GPHN: variants seen among roughly 807,000 people sequenced by gnomAD.
GPHN encodes the protein gephyrin.
A neutral mutation model predicts 95.5 loss-of-function variants in GPHN; 17 were observed. The ratio of observed to expected loss-of-function variants is 0.18; its 90% CI spans 0.12 to 0.27. The LOEUF is 0.27. Among genes scored for constraint, GPHN ranks in the 10% least tolerant of loss-of-function variants. GPHN has a pLI of 1.00. For synonymous variants in GPHN, 320 were observed against 322.5 expected (o/e 0.99, Z 0.08); for missense variants, 660 against 978.1 (o/e 0.67, Z 4.34).
chr14:67,104,274 T>C (rs2077911024), intron 13 of GPHN, among the ~76,000 whole-genome samples: 1 of 152,190 alleles, frequency 6.6e-6, no homozygotes. Flanking sequence ...TTGCAAGTGT[T>C]TTATTAAGCA....
intron 3 of GPHN, 35 bp downstream of exon 3, chr14:66,776,556 T>G (rs764103633): frequency 8.0e-7 from 1 of 1,245,184 alleles, no homozygotes; most frequent in Non-Finnish European, 1.2e-6. Context: ...TACAAACATT[T>G]AGCATCTTGG....
At chr14:67,587,136 C>T in the GPHN span, 64 of 1,613,858 alleles carry the variant, frequency 4.0e-5, no homozygotes, top group Non-Finnish European at 4.7e-5. Flanking sequence ...CTGTGAACCC[C>T]CCCACCAACC....
the GPHN span, among the ~76,000 whole-genome samples, chr14:67,604,824 G>A: frequency 6.6e-6 from 1 of 152,012 alleles, no homozygotes; most frequent in African/African-American, 2.4e-5. Context: ...GTTTGTAGAG[G>A]TTAAGGGTCA....
the GPHN span, chr14:67,203,112 T>C: frequency 6.2e-7 from 1 of 1,613,152 alleles, no homozygotes; most frequent in Non-Finnish European, 8.5e-7. Context: ...AAGAGGTGAA[T>C]CCATTTACCT....
intron 20 of GPHN, among the ~76,000 whole-genome samples, chr14:67,167,070 T>C (rs2082323296): frequency 6.6e-6 from 1 of 152,258 alleles, no homozygotes; most frequent in Non-Finnish European, 1.5e-5. Flanking sequence ...AAGTTTTGTA[T>C]ATTTACTTGT....
the GPHN span, among the ~76,000 whole-genome samples, chr14:67,259,441 T>C: frequency 6.6e-6 from 1 of 151,648 alleles, no homozygotes; most frequent in Admixed American, 6.6e-5. Context: ...TGAAACCCCG[T>C]CTCTACTAAA....
At chr14:67,061,413 G>A (rs1361864652) in intron 11 of GPHN, among the ~76,000 whole-genome samples, 2 of 151,832 alleles carry the variant, frequency 1.3e-5, no homozygotes, top group African/African-American at 4.8e-5. Context: ...TTCCCAATCC[G>A]TTCTCCAATT....
intron 2 of GPHN, among the ~76,000 whole-genome samples, chr14:66,748,444 C>A (rs1299115857): frequency 2.6e-5 from 4 of 151,952 alleles, no homozygotes; most frequent in Non-Finnish European, 5.9e-5. Flanking sequence ...CCCCTGCACC[C>A]TTACATGCAT....
the GPHN span, among the ~76,000 whole-genome samples, chr14:67,293,832 G>A: frequency 3.9e-5 from 6 of 152,164 alleles, no homozygotes; most frequent in Non-Finnish European, 8.8e-5. Context: ...TTAGGAGGAA[G>A]GTTTGTCCAG....
the GPHN span, among the ~76,000 whole-genome samples, chr14:67,705,378 T>C: frequency 6.6e-6 from 1 of 152,262 alleles, no homozygotes; most frequent in Non-Finnish European, 1.5e-5. Context: ...TATTAATGTG[T>C]ACGTCAACAG....
the GPHN span, among the ~76,000 whole-genome samples, chr14:67,438,583 G>A: frequency 2.0e-5 from 3 of 152,152 alleles, no homozygotes; most frequent in South Asian, 6.2e-4. Context: ...GATTATGGCT[G>A]GGTGCGGTGG....
At chr14:67,165,124 T>C (rs1702752587) in intron 19 of GPHN, 38 bp from the exon 20 acceptor site, 1 of 1,398,016 alleles carries the variant, frequency 7.2e-7, no homozygotes, top group Admixed American at 1.7e-5. Flanking sequence ...ATCATATTGC[T>C]TAGCAATCAC....
chr14:66,861,921 T>A (rs2063039102), intron 4 of GPHN, among the ~76,000 whole-genome samples: 1 of 151,726 alleles, frequency 6.6e-6, no homozygotes. Flanking sequence ...TAATGATGCA[T>A]CTCAGAGAAC....
chr14:66,629,146 T>C (rs1244313899), intron 1 of GPHN, among the ~76,000 whole-genome samples: 4 of 120,482 alleles, frequency 3.3e-5, no homozygotes, highest in African/African-American at 6.6e-5. Context: ...TATATTTATA[T>C]ACATATATAA....
chr14:66,576,351 A>AT lies in GPHN; in HGVS notation c.64+67771dup, dbSNP rs776034851. 6.0e-4 allele frequency among the ~76,000 whole-genome samples: 88 copies of AT among 146,594 alleles called. 1 individual carries two copies. Among genetic ancestry groups the AT allele is most frequent in the South Asian group, 1.3e-3 (6 of 4,564 alleles). On this transcript the variant is annotated intron_variant, in intron 1 of 22. Transcript: ENST00000478722. The stretch of plus-strand genomic sequence containing the variant: ...TTTAGCTCTTTAAAAATAAACCTGG[A>AT]TTTTTTTTTTTCAAGAGGGAAAGAG...
At position 67,181,489 on chromosome 14, in the gene GPHN, G is replaced by C. The variant is rs1265841720; in HGVS notation, c.*552G>C. ...GAACCATCCCCTGCAGAGCATCCAG[G>C]GAGGTTTCTCGCCCCAATAGCCTCA... On this transcript the variant is annotated 3_prime_UTR_variant, in exon 23 of 23. Coordinates refer to ENST00000478722, the MANE Select transcript of GPHN (RefSeq NM_020806.5). The C allele has an allele frequency of 1.9e-6, 1 of 518,476 alleles. No homozygotes were observed. The highest frequency in any genetic ancestry group is 1.9e-5 in the African/African-American group (1 of 52,844). 32.1% of individuals were successfully genotyped at this position (518,476 alleles called of 1,614,324 possible). A position where few individuals can be genotyped will look rare whatever the true frequency, so the allele number is the denominator to read the frequency against.
the GPHN span, among the ~76,000 whole-genome samples, chr14:67,512,580 G>A: frequency 1.9e-4 from 29 of 152,266 alleles, no homozygotes; most frequent in African/African-American, 6.5e-4. Flanking sequence ...AAACAGCCAG[G>A]CTCTGGGAGG....
At chr14:66,879,007 C>T (rs535783676) in intron 4 of GPHN, among the ~76,000 whole-genome samples, 1 of 152,220 alleles carries the variant, frequency 6.6e-6, no homozygotes, top group African/African-American at 2.4e-5. Context: ...CACATATACA[C>T]CATGGAATGC....
chr14:66,672,224 C>A (rs996866293), intron 1 of GPHN, among the ~76,000 whole-genome samples: 3 of 151,996 alleles, frequency 2.0e-5, no homozygotes, highest in Non-Finnish European at 4.4e-5. Flanking sequence ...TTTGTTTAAT[C>A]TATAGGTATT....
Sources: allele counts gnomAD v4.1 joint callset (sites outside exome capture counted in the v4.1 genomes callset), GRCh38; gene constraint gnomAD v4.1.1; transcripts MANE v1.5; gene names NCBI Gene and HGNC (gene_info 2026-07-23, HGNC 2026-07-21).